FAM193A: variants seen among roughly 807,000 people sequenced by gnomAD.
FAM193A encodes family with sequence similarity 193 member A, also known as protein FAM193A.
In FAM193A, 22 loss-of-function variants were observed where a neutral mutation model predicts 126.5. The observed-to-expected ratio is 0.17, with a 90% confidence interval of 0.12 to 0.25. The LOEUF (loss-of-function observed/expected upper bound fraction) is 0.25, where lower values mean the gene tolerates loss of function less well. Ranked by LOEUF, FAM193A falls within the 10% of genes least tolerant of loss-of-function variation. The pLI is 1.00. For missense variants in FAM193A, 1,675 were observed against 1,672.8 expected (o/e 1.00, Z -0.02); for synonymous variants, 761 against 646.8 (o/e 1.18, Z -2.68).
At chr4:2,726,703 G>A (rs976816639) in intron 20 of FAM193A, among the ~76,000 whole-genome samples, 56 of 150,998 alleles carry the variant, frequency 3.7e-4, no homozygotes, top group Non-Finnish European at 5.7e-4. Flanking sequence ...AGCCGAGGCG[G>A]GTGGATCACT....
chr4:2,546,603 G>T (rs371204196), intron 1 of FAM193A, among the ~76,000 whole-genome samples: 6 of 152,256 alleles, frequency 3.9e-5, no homozygotes, highest in South Asian at 2.1e-4. Flanking sequence ...TGTATCAGTA[G>T]CTTGTTCTTT....
Position 2,693,698 on chromosome 4 carries a change from G to A in FAM193A, c.2916G>A (p.Leu972=). The change falls in exon 16 of 21, where the codon CTG becomes CTA. Residue 972 remains leucine, a synonymous_variant. Coordinates refer to ENST00000637812, the MANE Select transcript of FAM193A (RefSeq NM_001366318.2). ...APLPALSPAA[L]SPAALSPAST... ...TCCCAGCGCTCTCGCCTGCTGCGCTGTCACCTGCTGCGCTCTCACCTGCCT... is the reference window on the plus strand; with the variant it reads ...TCCCAGCGCTCTCGCCTGCTGCGCTATCACCTGCTGCGCTCTCACCTGCCT... The A allele has an allele frequency of 6.2e-7, 1 of 1,614,152 alleles. No homozygotes were observed. The highest frequency in any genetic ancestry group is 8.5e-7 in the Non-Finnish European group (1 of 1,180,030).
intron 7 of FAM193A, among the ~76,000 whole-genome samples, chr4:2,648,922 C>T (rs1293627954): frequency 6.6e-6 from 1 of 152,212 alleles, no homozygotes; most frequent in African/African-American, 2.4e-5. Context: ...ACTTGGGTCC[C>T]AGGGAGAACC....
intron 12 of FAM193A, among the ~76,000 whole-genome samples, chr4:2,671,738 A>G (rs1713817239): frequency 5.9e-5 from 9 of 152,212 alleles, no homozygotes; most frequent in South Asian, 2.1e-4. Flanking sequence ...TGGAGAATCC[A>G]TGTGTGACTA....
At chr4:2,711,665 T>A (rs1168467290) in intron 19 of FAM193A, among the ~76,000 whole-genome samples, 1 of 150,682 alleles carries the variant, frequency 6.6e-6, no homozygotes, top group Non-Finnish European at 1.5e-5. Context: ...AAAGAAATTC[T>A]GGGCTGGGCG....
rs150971967 is a variant in FAM193A at position 2,611,369 on chromosome 4, A to G, written c.502-13893A>G. On this transcript the variant is annotated intron_variant, in intron 2 of 20. Transcript: ENST00000637812. ...CTGCAGCCTCCACCTCCCAGGTTCA[A>G]GCAGTTCTCTTGTCTCAGCCTCCCA... 8.6e-5 allele frequency among the ~76,000 whole-genome samples: 13 copies of G among 152,024 alleles called. No individual in the cohort carries two copies. In the East Asian group the frequency reaches 2.5e-3, roughly 29 times the overall value.
chr4:2,537,839 G>A (rs1456633284), intron 1 of FAM193A, among the ~76,000 whole-genome samples: 3 of 152,158 alleles, frequency 2.0e-5, no homozygotes, highest in Non-Finnish European at 4.4e-5. Flanking sequence ...TAGTGGTTTG[G>A]TTACTCAGGT....
chr4:2,562,054 C>T (rs1386640420), intron 1 of FAM193A, among the ~76,000 whole-genome samples: 1 of 152,164 alleles, frequency 6.6e-6, no homozygotes, highest in African/African-American at 2.4e-5. Flanking sequence ...GCACTGGACA[C>T]AGTTTCCACA....
chr4:2,640,381 G>C (rs1272523408), intron 6 of FAM193A, among the ~76,000 whole-genome samples: 1 of 152,178 alleles, frequency 6.6e-6, no homozygotes, highest in East Asian at 1.9e-4. Context: ...CTGAGAAAAA[G>C]GGGTGCAGAG....
At position 2,689,516 on chromosome 4, in the gene FAM193A, C is replaced by G. The variant is rs577309035; in HGVS notation, c.2342C>G (p.Pro781Arg). The change falls in exon 14 of 21, where the codon CCA (proline) becomes CGA (arginine). Residue 781 changes from proline to arginine, a missense_variant. Transcript: ENST00000637812. The stretch of plus-strand genomic sequence containing the variant: ...AATTTTTTTTTGTAGGCTTTACCGC[C>G]AGCACCTGTTCAGAATCACACAAAT... ...PPFTHSKALPPAPVQNHTNKH... is the reference protein window; with the variant it reads ...PPFTHSKALPRAPVQNHTNKH... The G allele has an allele frequency of 4.5e-6, 7 of 1,549,092 alleles. No individual in the cohort carries two copies. The highest frequency in any genetic ancestry group is 4.9e-5 in the East Asian group (2 of 41,088).
rs573273429 is a variant in FAM193A at position 2,547,884 on chromosome 4, C to T, written c.255+10714C>T. Among the ~76,000 whole-genome samples the T allele has an allele frequency of 2.0e-5, 3 of 151,992 alleles. No individual in the cohort carries two copies. The South Asian group carries it at 6.2e-4, about 32-fold the overall frequency. Reference sequence around the variant, plus strand: ...AAGTGATCTGCCCACCTTGGCCTCCCAAAGTGCTGGGGTTGCAGGCGTGAG... The same window carrying T: ...AAGTGATCTGCCCACCTTGGCCTCCTAAAGTGCTGGGGTTGCAGGCGTGAG... On this transcript the variant is annotated intron_variant, in intron 1 of 20. Coordinates refer to ENST00000637812, the MANE Select transcript of FAM193A (RefSeq NM_001366318.2).
At chr4:2,685,533 A>G (rs1715636583) in intron 13 of FAM193A, among the ~76,000 whole-genome samples, 1 of 152,212 alleles carries the variant, frequency 6.6e-6, no homozygotes. Flanking sequence ...GGCACAGCCA[A>G]AGCAAAGATG....
chr4:2,726,335 G>A (rs558185105), intron 20 of FAM193A, among the ~76,000 whole-genome samples: 15 of 152,154 alleles, frequency 9.9e-5, no homozygotes, highest in African/African-American at 1.4e-4. Context: ...CACCAAGCCT[G>A]GCCCTGATAA....
chr4:2,723,586 A>AG (rs1720402448), intron 20 of FAM193A, among the ~76,000 whole-genome samples: 2 of 151,804 alleles, frequency 1.3e-5, no homozygotes, highest in African/African-American at 4.8e-5. Flanking sequence ...AAAAAAAAAA[A>AG]GTTTGAAGTA....
chr4:2,669,021 T>C, intron 12 of FAM193A, among the ~76,000 whole-genome samples: 1 of 152,052 alleles, frequency 6.6e-6, no homozygotes, highest in East Asian at 1.9e-4. Context: ...TTTTGTATTT[T>C]TGGTGGAGAT....
At chr4:2,601,227 CTTT>C (rs1201989388) in intron 2 of FAM193A, among the ~76,000 whole-genome samples, 2 of 110,666 alleles carry the variant, frequency 1.8e-5, no homozygotes, top group South Asian at 3.1e-4. Flanking sequence ...TCTTCTTCTT[CTTT>C]TTTTTTTTTT....
chr4:2,599,826 C>A (rs1359863442), intron 2 of FAM193A, among the ~76,000 whole-genome samples: 1 of 151,758 alleles, frequency 6.6e-6, no homozygotes, highest in East Asian at 1.9e-4. Context: ...AACCTCACTT[C>A]CTGGGTTCAA....
intron 1 of FAM193A, among the ~76,000 whole-genome samples, chr4:2,563,353 A>C (rs578040253): frequency 1.3e-5 from 2 of 152,314 alleles, no homozygotes; most frequent in South Asian, 2.1e-4. Flanking sequence ...CTTGGCATTT[A>C]ATGAGCACTC....
chr4:2,545,887 C>A (rs915011915), intron 1 of FAM193A, among the ~76,000 whole-genome samples: 1 of 152,126 alleles, frequency 6.6e-6, no homozygotes, highest in African/African-American at 2.4e-5. Flanking sequence ...CGGTGGCTCA[C>A]GCCTGTTATC....
Sources: gnomAD v4.1 joint callset for allele counts (sites outside exome capture counted in the v4.1 genomes callset) on GRCh38, gnomAD v4.1.1 for gene constraint, MANE v1.5 for transcripts, NCBI Gene and HGNC (gene_info 2026-07-23, HGNC 2026-07-21) for gene names.